RNF180: variants seen among roughly 807,000 people sequenced by gnomAD.
RNF180 encodes the protein ring finger protein 180, also known as E3 ubiquitin-protein ligase RNF180.
RNF180 carries 38 observed loss-of-function variants against 59.2 expected under a neutral mutation model. That is an observed-to-expected ratio of 0.64 (90% CI 0.50 to 0.84). RNF180 has a LOEUF of 0.84. Ranked by LOEUF, RNF180 falls within the 40% of genes least tolerant of loss-of-function variation. The pLI is 0.00. For synonymous variants in RNF180, 262 were observed against 240.3 expected, an observed-to-expected ratio of 1.09 and a Z score of -0.84; for missense variants, 705 against 700.9, an observed-to-expected ratio of 1.01 and a Z score of -0.07.
At chr5:64,352,629 A>G (rs914454608) in intron 7 of RNF180, among the ~76,000 whole-genome samples, 2 of 152,098 alleles carry the variant, frequency 1.3e-5, no homozygotes, top group Admixed American at 6.6e-5. Flanking sequence ...TTCAAAGAAC[A>G]TCTTTATTTC....
chr5:64,327,977 TTATTA>T (rs1415236594), intron 6 of RNF180, among the ~76,000 whole-genome samples: 1 of 152,272 alleles, frequency 6.6e-6, no homozygotes, highest in Non-Finnish European at 1.5e-5. Context: ...ATATTTATAA[TTATTA>T]TATTCTCTTG....
At chr5:64,277,556 A>G (rs1478835535) in intron 5 of RNF180, among the ~76,000 whole-genome samples, 1 of 152,092 alleles carries the variant, frequency 6.6e-6, no homozygotes. Context: ...GGAGGTGGTT[A>G]TAGTGATTTT....
At chr5:64,342,995 G>C (rs1211886209) in intron 7 of RNF180, among the ~76,000 whole-genome samples, 2 of 152,130 alleles carry the variant, frequency 1.3e-5, no homozygotes, top group African/African-American at 4.8e-5. Context: ...GAGGGGATGA[G>C]TCTCTCACTC....
chr5:64,314,571 G>A (rs1226761409), intron 5 of RNF180, among the ~76,000 whole-genome samples: 1 of 151,826 alleles, frequency 6.6e-6, no homozygotes. Context: ...TTTTTTGAGA[G>A]CCCAGCGAAC....
At chr5:64,326,322 T>C (rs1345967335) in intron 6 of RNF180, among the ~76,000 whole-genome samples, 7 of 152,130 alleles carry the variant, frequency 4.6e-5, no homozygotes, top group Non-Finnish European at 1.0e-4. Flanking sequence ...TAAATGGAAT[T>C]ATTAATATGG....
intron 7 of RNF180, among the ~76,000 whole-genome samples, chr5:64,337,948 T>C (rs1421988376): frequency 1.3e-5 from 2 of 152,148 alleles, no homozygotes; most frequent in African/African-American, 4.8e-5. Context: ...CTATTGTGAA[T>C]AGTGCTGCAA....
intron 4 of RNF180, among the ~76,000 whole-genome samples, chr5:64,216,610 A>T (rs1752643267): frequency 6.6e-6 from 1 of 152,176 alleles, no homozygotes; most frequent in African/African-American, 2.4e-5. Context: ...TCTTTCAGTA[A>T]TCTATGCCAT....
intron 7 of RNF180, among the ~76,000 whole-genome samples, chr5:64,365,256 A>G (rs1018596540): frequency 6.6e-6 from 1 of 151,578 alleles, no homozygotes; most frequent in Non-Finnish European, 1.5e-5. Flanking sequence ...CCTTAATTTC[A>G]TTATTTGCCC....
At chr5:64,276,319 G>GGTGTGTGTGTGTGTGTGTGT (rs375203511) in intron 5 of RNF180, among the ~76,000 whole-genome samples, 10 of 138,186 alleles carry the variant, frequency 7.2e-5, no homozygotes, top group East Asian at 2.2e-4. Context: ...AAAATACATT[G>GGTGTGTGTGTGTGTGTGTGT]GTGTGTGTGT....
intron 2 of RNF180, among the ~76,000 whole-genome samples, chr5:64,204,930 T>A (rs1224106533): frequency 1.3e-5 from 2 of 152,092 alleles, no homozygotes; most frequent in African/African-American, 4.8e-5. Context: ...CATGCAGACA[T>A]GAAATGGCTC....
chr5:64,334,246 A>G (rs1465652371), intron 7 of RNF180, among the ~76,000 whole-genome samples: 3 of 152,218 alleles, frequency 2.0e-5, no homozygotes, highest in Non-Finnish European at 4.4e-5. Flanking sequence ...AAGCCTTTGT[A>G]GAGACACAGA....
rs191471997 is a variant in RNF180 at position 64,191,693 on chromosome 5, T to G, written c.1-9115T>G. Among the ~76,000 whole-genome samples the G allele has an allele frequency of 5.5e-3, 834 of 152,350 alleles. 28 individuals carry two copies. The highest frequency in any genetic ancestry group is 0.05 in the Admixed American group (765 of 15,306). On this transcript the variant is annotated intron_variant, in intron 1 of 7. Transcript: ENST00000389100. ...TTTAGAAGATTTTTATGTTTTTATA[T>G]TAGCACCTTATCTAAATGGTTTCCA...
At chr5:64,317,233 C>A (rs1744088927) in intron 5 of RNF180, among the ~76,000 whole-genome samples, 1 of 152,022 alleles carries the variant, frequency 6.6e-6, no homozygotes, top group African/African-American at 2.4e-5. Flanking sequence ...AAGCAAATAT[C>A]ACAATAAAAT....
At chr5:64,246,137 T>C (rs545226305) in intron 5 of RNF180, among the ~76,000 whole-genome samples, 7 of 152,322 alleles carry the variant, frequency 4.6e-5, no homozygotes, top group African/African-American at 1.7e-4. Context: ...GGGAAATTTA[T>C]AGCACTAAAT....
At chr5:64,287,298 T>G (rs751804948) in intron 5 of RNF180, among the ~76,000 whole-genome samples, 3 of 152,174 alleles carry the variant, frequency 2.0e-5, no homozygotes, top group Admixed American at 1.3e-4. Context: ...ATCTACTACT[T>G]GAAAAATCAG....
chr5:64,244,307 C>T (rs547252789), intron 5 of RNF180, among the ~76,000 whole-genome samples: 1 of 151,820 alleles, frequency 6.6e-6, no homozygotes, highest in South Asian at 2.1e-4. Flanking sequence ...GCTAAAGGAG[C>T]ATATTCTAAC....
chr5:64,214,025 G>A lies in RNF180; in HGVS notation c.699G>A (p.Leu233=). Residue 233 remains leucine, a synonymous_variant, in exon 4 of 8, where the codon CTG becomes CTA. Coordinates refer to ENST00000389100, the MANE Select transcript of RNF180 (RefSeq NM_001113561.2). ...ATAGAAAATCACATAGTTTGGATCT[G>A]AACATCAGTGAGAAACTGACTTTAT... The part of the protein sequence containing the change: ...AFHRKSHSLD[L]NISEKLTLLP... 6.2e-7 allele frequency: 1 copy of A among 1,614,124 alleles called. No individual in the cohort carries two copies. The highest frequency in any genetic ancestry group is 2.2e-5 in the East Asian group (1 of 44,888).
intron 5 of RNF180, among the ~76,000 whole-genome samples, chr5:64,230,325 G>T (rs1284929112): frequency 2.6e-5 from 4 of 152,230 alleles, no homozygotes; most frequent in African/African-American, 9.6e-5. Context: ...GTTGGAAATG[G>T]TTGTCATTGG....
intron 5 of RNF180, among the ~76,000 whole-genome samples, chr5:64,267,459 G>A (rs1330854058): frequency 2.0e-5 from 3 of 151,652 alleles, no homozygotes; most frequent in Admixed American, 6.6e-5. Context: ...CCACTAATTC[G>A]TCATCTAGCA....
Sources: allele counts gnomAD v4.1 joint callset (sites outside exome capture counted in the v4.1 genomes callset), GRCh38; gene constraint gnomAD v4.1.1; transcripts MANE v1.5; gene names NCBI Gene and HGNC (gene_info 2026-07-23, HGNC 2026-07-21).